MRPL3: variants seen among roughly 807,000 people sequenced by gnomAD.
MRPL3 encodes the protein mitochondrial ribosomal protein L3, also known as large ribosomal subunit protein uL3m.
MRPL3 carries 43 observed loss-of-function variants against 44.3 expected under a neutral mutation model. The ratio of observed to expected loss-of-function variants is 0.97; its 90% CI spans 0.76 to 1.25. The LOEUF (loss-of-function observed/expected upper bound fraction) is 1.25, where lower values mean the gene tolerates loss of function less well. Ranked by LOEUF, MRPL3 falls within the 50% of genes most tolerant of loss-of-function variation. The pLI, the probability that MRPL3 is intolerant of heterozygous loss-of-function variation, is 0.00. For synonymous variants in MRPL3, 171 were observed against 152.3 expected, an observed-to-expected ratio of 1.12 and a Z score of -0.91; for missense variants, 406 against 427.6, an observed-to-expected ratio of 0.95 and a Z score of 0.45.
intron 6 of MRPL3, among the ~76,000 whole-genome samples, chr3:131,477,972 G>T (rs1933893468): frequency 6.6e-6 from 1 of 152,054 alleles, no homozygotes; most frequent in Non-Finnish European, 1.5e-5. Context: ...TTCTCACTAA[G>T]GTTTAAAAGA....
At chr3:131,469,593 G>T in intron 8 of MRPL3, 103 bp downstream of exon 8, 2 of 725,746 alleles carry the variant, frequency 2.8e-6, no homozygotes, top group African/African-American at 1.8e-5. Flanking sequence ...TAATTTTAAA[G>T]CCTCTTAGAA....
intron 6 of MRPL3, chr3:131,478,986 C>T (rs1933916830): frequency 2.7e-6 from 1 of 372,438 alleles, no homozygotes; most frequent in Non-Finnish European, 5.2e-6. Flanking sequence ...AGCCACTATG[C>T]CCAGCCCAAA....
intron 3 of MRPL3, 53 bp from the exon 4 acceptor site, chr3:131,498,330 T>A (rs980109765): frequency 7.5e-6 from 9 of 1,196,410 alleles, no homozygotes; most frequent in Non-Finnish European, 1.1e-5. Context: ...TATTTTAACA[T>A]TACAAACCAG....
rs1934528369 is a variant in MRPL3, at chr3:131,502,801, C to G, written c.21G>C (p.Leu7=). The G allele has an allele frequency of 6.2e-7, 1 of 1,612,300 alleles. No individual in the cohort carries two copies. The highest frequency in any genetic ancestry group is 8.5e-7 in the Non-Finnish European group (1 of 1,179,448). Residue 7 remains leucine, a synonymous_variant, in exon 1 of 10, where the codon CTG becomes CTC. Coordinates refer to ENST00000264995, the MANE Select transcript of MRPL3 (RefSeq NM_007208.4). The part of the protein sequence containing the change: MPGWRL[L]TQVGAQVLGR... ...CCAGCACCTGGGCGCCGACCTGCGT[C>G]AGCAGCCTCCAACCCGGCATGGATT...
At chr3:131,500,316 C>A in intron 3 of MRPL3, 114 bp downstream of exon 3, 1 of 780,002 alleles carries the variant, frequency 1.3e-6, no homozygotes, top group East Asian at 2.5e-5. Flanking sequence ...CAACATCACC[C>A]CTTTCTTCAC....
intron 6 of MRPL3, among the ~76,000 whole-genome samples, chr3:131,478,412 A>G (rs1933902461): frequency 6.6e-6 from 1 of 152,102 alleles, no homozygotes; most frequent in Non-Finnish European, 1.5e-5. Context: ...ATAAATTTGT[A>G]CTCTGCTTTA....
At chr3:131,465,889 CTCTTTT>C (rs1231873438) in intron 9 of MRPL3, among the ~76,000 whole-genome samples, 1 of 125,878 alleles carries the variant, frequency 7.9e-6, no homozygotes, top group African/African-American at 2.7e-5. Context: ...TTCTTTTTCT[CTCTTTT>C]TTTTTTTTTT....
At chr3:131,486,617 A>G (rs1007247382) in intron 6 of MRPL3, among the ~76,000 whole-genome samples, 3 of 152,036 alleles carry the variant, frequency 2.0e-5, no homozygotes, top group Non-Finnish European at 2.9e-5. Context: ...AATTTACAAG[A>G]AAAAAACCAA....
chr3:131,488,744 G>A (rs1330990123), intron 5 of MRPL3: 1 of 150,102 alleles, frequency 6.7e-6, no homozygotes, highest in Non-Finnish European at 1.5e-5. Flanking sequence ...AAGATTGCAG[G>A]GGGGGAACTT....
intron 6 of MRPL3, among the ~76,000 whole-genome samples, chr3:131,486,311 A>G: frequency 6.6e-6 from 1 of 151,074 alleles, no homozygotes; most frequent in Non-Finnish European, 1.5e-5. Context: ...CAATGGCAAC[A>G]AAAGCCAAAA....
At chr3:131,466,095 G>A (rs1233487070) in intron 9 of MRPL3, among the ~76,000 whole-genome samples, 1 of 151,736 alleles carries the variant, frequency 6.6e-6, no homozygotes, top group African/African-American at 2.4e-5. Context: ...TAACAAAAAT[G>A]AGAATAATCC....
At position 131,502,745 on chromosome 3, in the gene MRPL3, A is replaced by G. The variant is rs1208006296; in HGVS notation, c.77T>C (p.Leu26Pro). 1.2e-6 allele frequency: 2 copies of G among 1,610,558 alleles called. No homozygotes were observed. The highest frequency in any genetic ancestry group is 2.7e-5 in the African/African-American group (2 of 74,848). The change falls in exon 1 of 10, where the codon CTG (leucine) becomes CCG (proline). Residue 26 changes from leucine (L) to proline (P), a missense_variant. Coordinates refer to ENST00000264995, the MANE Select transcript of MRPL3 (RefSeq NM_007208.4). ...ACCTTCCTACCTGTTCCCCGGGCCCAGGGCAGCACCCAGGCCGTCCCCGAG... is the reference window on the plus strand; with the variant it reads ...ACCTTCCTACCTGTTCCCCGGGCCCGGGGCAGCACCCAGGCCGTCCCCGAG... ...GRLGDGLGAA[L>P]GPGNRTHIWL... is the part of the protein sequence containing the mutation.
chr3:131,467,355 T>C (rs1262708710), intron 9 of MRPL3, among the ~76,000 whole-genome samples: 1 of 152,144 alleles, frequency 6.6e-6, no homozygotes, highest in African/African-American at 2.4e-5. Flanking sequence ...GACAGAGATA[T>C]ACTGGTATTT....
At chr3:131,463,698 T>C (rs1206297385) in intron 9 of MRPL3, among the ~76,000 whole-genome samples, 2 of 152,148 alleles carry the variant, frequency 1.3e-5, no homozygotes, top group Non-Finnish European at 2.9e-5. Flanking sequence ...CTCTATATAT[T>C]CTCAAAAATT....
At chr3:131,490,989 C>T (rs78105126) in intron 4 of MRPL3, among the ~76,000 whole-genome samples, 2,231 of 152,258 alleles carry the variant, frequency 0.015, 54 homozygotes, top group African/African-American at 0.051. Flanking sequence ...CTGAAATTGT[C>T]CCCACTCTCT....
chr3:131,462,576 T>C lies in MRPL3; in HGVS notation c.*147A>G. 1.6e-6 allele frequency: 1 copy of C among 625,238 alleles called. No individual in the cohort carries two copies. Among genetic ancestry groups the C allele is most frequent in the Non-Finnish European group, 2.5e-6 (1 of 402,412 alleles). 38.7% of individuals were successfully genotyped at this position (625,238 alleles called of 1,614,324 possible). Reference sequence around the variant, plus strand: ...TTTCTAACAAAATTTAATGGGGGTATGAATGATATATTTATGCCCTTGACA... The same window carrying C: ...TTTCTAACAAAATTTAATGGGGGTACGAATGATATATTTATGCCCTTGACA... On this transcript the variant is annotated 3_prime_UTR_variant, in exon 10 of 10. Coordinates refer to ENST00000264995, the MANE Select transcript of MRPL3 (RefSeq NM_007208.4).
At chr3:131,472,483 A>G (rs1933762600) in intron 6 of MRPL3, among the ~76,000 whole-genome samples, 2 of 152,206 alleles carry the variant, frequency 1.3e-5, no homozygotes, top group Non-Finnish European at 1.5e-5. Flanking sequence ...GCCATATATG[A>G]CAAACATACT....
At position 131,473,932 on chromosome 3, in the gene MRPL3, A is replaced by G. The variant is rs561022885; in HGVS notation, c.630-2653T>C. On this transcript the variant is annotated intron_variant, in intron 6 of 9. Transcript: ENST00000264995. The stretch of plus-strand genomic sequence containing the variant: ...AACAAGCGTTGGTGAGAACGTGGAT[A>G]AGAGAACACATACACTGTTAGTGGG... Among the ~76,000 whole-genome samples the G allele has an allele frequency of 8.5e-5, 13 of 152,322 alleles. No individual in the cohort carries two copies. In the South Asian group the frequency reaches 2.7e-3, roughly 32 times the overall value.
chr3:131,465,279 C>T (rs915676385), intron 9 of MRPL3, among the ~76,000 whole-genome samples: 2 of 152,090 alleles, frequency 1.3e-5, no homozygotes, highest in African/African-American at 4.8e-5. Context: ...AAACTATTAT[C>T]GATTGAGAGT....
Sources: gnomAD v4.1 joint callset for allele counts (sites outside exome capture counted in the v4.1 genomes callset) on GRCh38, gnomAD v4.1.1 for gene constraint, MANE v1.5 for transcripts, NCBI Gene and HGNC (gene_info 2026-07-23, HGNC 2026-07-21) for gene names.